DOCK5: variants seen among roughly 807,000 people sequenced by gnomAD.
DOCK5 encodes dedicator of cytokinesis 5, also known as dedicator of cytokinesis protein 5.
Under a neutral mutation model 251.8 loss-of-function variants are expected in DOCK5, and 142 were observed. The observed-to-expected ratio is 0.56, with a 90% CI of 0.49 to 0.65. DOCK5 has a LOEUF of 0.65. Among genes scored for constraint, DOCK5 ranks in the 30% least tolerant of loss-of-function variants. The probability of loss-of-function intolerance (pLI) is 0.00; values close to 1 mark genes in which losing one functional copy is unlikely to be tolerated. For missense variants in DOCK5, 2,111 were observed against 2,312.3 expected (o/e 0.91, Z 1.79); for synonymous variants, 842 against 835.5 (o/e 1.01, Z -0.13).
At chr8:25,346,503 C>T (rs1800369300) in intron 26 of DOCK5, among the ~76,000 whole-genome samples, 1 of 152,026 alleles carries the variant, frequency 6.6e-6, no homozygotes, top group Non-Finnish European at 1.5e-5. Flanking sequence ...TGCGTTTTCT[C>T]TGTGACCTGG....
At chr8:25,277,823 A>G (rs1167305725) in intron 4 of DOCK5, among the ~76,000 whole-genome samples, 2 of 152,244 alleles carry the variant, frequency 1.3e-5, no homozygotes, top group Non-Finnish European at 2.9e-5. Flanking sequence ...AAATCTTACT[A>G]TACCAGAAAT....
At position 25,296,611 on chromosome 8, in the gene DOCK5, C is replaced by T; in HGVS notation, c.569C>T (p.Ala190Val). 6.2e-7 allele frequency: 1 copy of T among 1,612,558 alleles called. No homozygotes were observed. The highest frequency in any genetic ancestry group is 1.1e-5 in the South Asian group (1 of 90,636). Residue 190 changes from alanine to valine, a missense_variant, in exon 7 of 52, where the codon GCC becomes GTC. Ala to Val is a moderately conservative substitution (Grantham distance 64, BLOSUM62 0). This residue lies in a region of DOCK5 where 335 missense variants were observed against 324.9 expected (regional missense o/e 1.03). Transcript: ENST00000276440. Reference sequence around the variant, plus strand: ...GCCCTCTTCAAGGCCCATGAGGTGGCCTCCAAAAGGATTGAGGAAAAGATC... The same window carrying T: ...GCCCTCTTCAAGGCCCATGAGGTGGTCTCCAAAAGGATTGAGGAAAAGATC... ...TIALFKAHEV[A>V]SKRIEEKIQE...
Position 25,350,591 on chromosome 8 carries a change from A to G in DOCK5, c.2755-1140A>G, listed in dbSNP as rs564750783. On this transcript the variant is annotated intron_variant, in intron 26 of 51. Coordinates refer to ENST00000276440, the MANE Select transcript of DOCK5 (RefSeq NM_024940.8). ...CTCAGTCAGTCTTCTATAACAAAAT[A>G]CCACAGACTGCGTGGCTTAAACAAC... Among the ~76,000 whole-genome samples the G allele has an allele frequency of 2.0e-5, 3 of 152,324 alleles. No individual in the cohort carries two copies. In the South Asian group the frequency reaches 6.2e-4, roughly 32 times the overall value.
chr8:25,282,619 G>T (rs1804226832), intron 5 of DOCK5, among the ~76,000 whole-genome samples: 1 of 151,998 alleles, frequency 6.6e-6, no homozygotes, highest in Admixed American at 6.6e-5. Flanking sequence ...ATCCCTTTGG[G>T]AGGTCAAGCC....
At position 25,212,836 on chromosome 8, in the gene DOCK5, G is replaced by T. The variant is rs1254273337; in HGVS notation, c.43+27885G>T. ...TCCTCTACCCTCCCCAGCCATGGCA[G>T]GGAAATGCTCAGGAAATAGATTAAG... On this transcript the variant is annotated intron_variant, in intron 1 of 51. Transcript: ENST00000276440. Among the ~76,000 whole-genome samples, 2 of 69,662 alleles carry T rather than the reference G, an allele frequency of 2.9e-5. 1 individual carries two copies. The highest frequency in any genetic ancestry group is 6.5e-5 in the African/African-American group (2 of 30,734). 45.7% of individuals were successfully genotyped at this position (69,662 alleles called of 152,430 possible).
rs1356369906 is a variant in DOCK5, at chr8:25,414,633, GC to G, written c.*3337del. ...TGTATAGTTAAGTGCACAAATCTTA[GC>G]CGTGCAGATGGGTAATTTTCACATA... On this transcript the variant is annotated 3_prime_UTR_variant, in exon 52 of 52. Coordinates refer to ENST00000276440, the MANE Select transcript of DOCK5 (RefSeq NM_024940.8). 1 of 152,246 alleles carries G rather than the reference GC, an allele frequency of 6.6e-6. No homozygotes were observed. The highest frequency in any genetic ancestry group is 6.5e-5 in the Admixed American group (1 of 15,286). 9.4% of individuals were successfully genotyped at this position (152,246 alleles called of 1,614,324 possible). A position where few individuals can be genotyped will look rare whatever the true frequency, so the allele number is the denominator to read the frequency against.
chr8:25,308,171 G>A (rs1309670281), intron 11 of DOCK5, among the ~76,000 whole-genome samples: 4 of 152,060 alleles, frequency 2.6e-5, no homozygotes, highest in Admixed American at 6.6e-5. Flanking sequence ...TTCTTTGATC[G>A]CCCTTTACAA....
chr8:25,259,446 A>C (rs189157794), intron 2 of DOCK5, among the ~76,000 whole-genome samples: 1 of 152,028 alleles, frequency 6.6e-6, no homozygotes, highest in Non-Finnish European at 1.5e-5. Flanking sequence ...TTCTTTAATT[A>C]ATTTATTTAC....
At chr8:25,403,536 A>C (rs1446354812) in intron 47 of DOCK5, 22 bp from the exon 48 acceptor site, 5 of 1,612,458 alleles carry the variant, frequency 3.1e-6, no homozygotes, top group Non-Finnish European at 4.2e-6. Flanking sequence ...TCCGCTAACC[A>C]TGTGGAGTCA....
chr8:25,268,847 T>C lies in DOCK5; in HGVS notation c.130T>C (p.Trp44Arg). 6.3e-7 allele frequency: 1 copy of C among 1,575,282 alleles called. No individual in the cohort carries two copies. The highest frequency in any genetic ancestry group is 8.6e-7 in the Non-Finnish European group (1 of 1,162,616). ...TGTGTTCTCTTTTGCTCTGACAGGT[T>C]GGTACAGAGGATATACCCTCCAAAA... ...TVHILEMYEG[W>R]YRGYTLQNKS... Residue 44 changes from tryptophan (W) to arginine (R), a missense_variant and splice_region_variant, in exon 3 of 52, where the codon TGG becomes CGG. Physicochemically the swap from Trp to Arg is moderately radical, Grantham distance 101 (BLOSUM62 -3). Coordinates refer to ENST00000276440, the MANE Select transcript of DOCK5 (RefSeq NM_024940.8).
At chr8:25,280,489 T>C (rs1804162491) in intron 5 of DOCK5, among the ~76,000 whole-genome samples, 1 of 152,230 alleles carries the variant, frequency 6.6e-6, no homozygotes, top group Non-Finnish European at 1.5e-5. Flanking sequence ...ATCACAGCAG[T>C]AGAAATCACC....
intron 28 of DOCK5, among the ~76,000 whole-genome samples, chr8:25,361,425 C>T (rs1214745346): frequency 6.6e-6 from 1 of 152,036 alleles, no homozygotes; most frequent in African/African-American, 2.4e-5. Context: ...GCCTAGCCCA[C>T]GTGATGAAAC....
chr8:25,215,212 G>A (rs1447007975), intron 1 of DOCK5, among the ~76,000 whole-genome samples: 1 of 152,130 alleles, frequency 6.6e-6, no homozygotes, highest in Non-Finnish European at 1.5e-5. Context: ...GAAAAACAGG[G>A]GAATTGGGTG....
chr8:25,389,245 G>C lies in DOCK5; in HGVS notation c.4273+13G>C, dbSNP rs1174048218. The C allele has an allele frequency of 3.7e-6, 6 of 1,611,212 alleles. No individual in the cohort carries two copies. The highest frequency in any genetic ancestry group is 3.3e-5 in the Admixed American group (2 of 59,958). The stretch of plus-strand genomic sequence containing the variant: ...TCCCCCAAGCAGTGTATCCTTTCCG[G>C]GGGGAGTATGGCCCCGAGGCTCTTA... On this transcript the variant is annotated intron_variant, in intron 41 of 51. Transcript: ENST00000276440.
chr8:25,255,381 A>C (rs1201425367), intron 2 of DOCK5, among the ~76,000 whole-genome samples: 3 of 152,228 alleles, frequency 2.0e-5, no homozygotes, highest in African/African-American at 7.2e-5. Flanking sequence ...CTAAAAAGAA[A>C]TGAGTTATCA....
chr8:25,228,638 T>A (rs1802589798), intron 1 of DOCK5, among the ~76,000 whole-genome samples: 2 of 152,334 alleles, frequency 1.3e-5, no homozygotes, highest in South Asian at 4.1e-4. Flanking sequence ...GGCAGTAACT[T>A]CCATGCGTTG....
intron 30 of DOCK5, among the ~76,000 whole-genome samples, chr8:25,365,726 C>T (rs1172457657): frequency 6.6e-6 from 1 of 152,196 alleles, no homozygotes; most frequent in African/African-American, 2.4e-5. Context: ...GGGGTAGCCT[C>T]TGATCCTTTT....
chr8:25,342,607 G>C (rs1158508215), intron 25 of DOCK5, 100 bp downstream of exon 25: 1 of 699,486 alleles, frequency 1.4e-6, no homozygotes, highest in Non-Finnish European at 2.2e-6. Context: ...ATCTCAAAAA[G>C]CTAAAACAAG....
At chr8:25,225,742 C>T (rs905819511) in intron 1 of DOCK5, among the ~76,000 whole-genome samples, 1 of 150,676 alleles carries the variant, frequency 6.6e-6, no homozygotes, top group African/African-American at 2.4e-5. Context: ...ACACATGCTA[C>T]AACATGGATG....
Sources: allele counts gnomAD v4.1 joint callset (sites outside exome capture counted in the v4.1 genomes callset), GRCh38; gene constraint gnomAD v4.1.1; regional missense constraint gnomAD v4.1.1; transcripts MANE v1.5; gene names NCBI Gene and HGNC (gene_info 2026-07-23, HGNC 2026-07-21).